GALNT13: variants seen among roughly 807,000 people sequenced by gnomAD.
The protein encoded by GALNT13 is UDP-GalNAc:polypeptide N-acetylgalactosaminyltransferase 13.
In GALNT13, 28 loss-of-function variants were observed where a neutral mutation model predicts 64.2. That is an observed-to-expected ratio of 0.44 (90% confidence interval 0.32 to 0.60). The LOEUF (loss-of-function observed/expected upper bound fraction) is 0.60, where lower values mean the gene tolerates loss of function less well. Ranked by LOEUF, GALNT13 falls within the 20% of genes least tolerant of loss-of-function variation. GALNT13 has a pLI of 0.05. For synonymous variants in GALNT13, 214 were observed against 224.6 expected (o/e 0.95, Z 0.42); for missense variants, 577 against 669.8 (o/e 0.86, Z 1.53).
At chr2:153,211,212 G>A in the GALNT13 span, among the ~76,000 whole-genome samples, 12 of 151,284 alleles carry the variant, frequency 7.9e-5, no homozygotes, top group African/African-American at 2.2e-4. Flanking sequence ...GCATGATCTC[G>A]GCTCACTGCA....
At chr2:153,447,542 C>T in the GALNT13 span, among the ~76,000 whole-genome samples, 225 of 152,318 alleles carry the variant, frequency 1.5e-3, no homozygotes, top group African/African-American at 5.0e-3. Flanking sequence ...ACATTTGCTA[C>T]ATCTTTCTCC....
At chr2:153,335,098 TC>T in the GALNT13 span, among the ~76,000 whole-genome samples, 2 of 152,318 alleles carry the variant, frequency 1.3e-5, no homozygotes, top group East Asian at 3.9e-4. Flanking sequence ...GTAAGAAGTG[TC>T]TTTTGCCTCC....
chr2:153,945,669 C>G (rs1387048478), intron 3 of GALNT13, among the ~76,000 whole-genome samples: 1 of 152,082 alleles, frequency 6.6e-6, no homozygotes, highest in Non-Finnish European at 1.5e-5. Context: ...CTCATTAACA[C>G]TATCAGGTTA....
the GALNT13 span, among the ~76,000 whole-genome samples, chr2:153,560,513 T>C: frequency 1.3e-5 from 2 of 152,090 alleles, no homozygotes; most frequent in Admixed American, 6.6e-5. Flanking sequence ...TCCTAGTACA[T>C]GATAGAAAGA....
intron 2 of GALNT13, among the ~76,000 whole-genome samples, chr2:153,916,485 G>A (rs1689356287): frequency 6.7e-6 from 1 of 149,216 alleles, no homozygotes; most frequent in African/African-American, 2.5e-5. Flanking sequence ...AGGCAGGATG[G>A]AGTGAGTTAA....
intron 4 of GALNT13, among the ~76,000 whole-genome samples, chr2:154,158,648 A>T (rs986104926): frequency 6.6e-6 from 1 of 152,228 alleles, no homozygotes; most frequent in African/African-American, 2.4e-5. Context: ...AACCATACCA[A>T]GAACAATTCT....
At chr2:153,760,334 C>T in the GALNT13 span, among the ~76,000 whole-genome samples, 3 of 151,286 alleles carry the variant, frequency 2.0e-5, no homozygotes, top group South Asian at 6.2e-4. Context: ...TTAATTTTTT[C>T]TTCTTTTTTC....
chr2:153,978,570 G>A (rs555100256), intron 3 of GALNT13, among the ~76,000 whole-genome samples: 1 of 152,184 alleles, frequency 6.6e-6, no homozygotes, highest in East Asian at 1.9e-4. Context: ...GATCTGATGG[G>A]TTTATCAGGG....
At chr2:153,307,673 TG>T in the GALNT13 span, among the ~76,000 whole-genome samples, 4 of 152,106 alleles carry the variant, frequency 2.6e-5, no homozygotes, top group Admixed American at 2.0e-4. Flanking sequence ...TGTACACAGA[TG>T]GAAAATGACA....
intron 1 of GALNT13, among the ~76,000 whole-genome samples, chr2:153,898,774 G>A (rs1688039827): frequency 1.3e-5 from 2 of 149,276 alleles, no homozygotes; most frequent in Non-Finnish European, 3.0e-5. Flanking sequence ...CTAGTGAAAT[G>A]TAGTATTGTA....
chr2:153,915,054 T>C (rs1373958817), intron 2 of GALNT13, among the ~76,000 whole-genome samples: 1 of 152,100 alleles, frequency 6.6e-6, no homozygotes, highest in Non-Finnish European at 1.5e-5. Flanking sequence ...GTGGGATTCA[T>C]GAGTGGGAGA....
chr2:154,144,199 T>A (rs932855140), intron 4 of GALNT13, among the ~76,000 whole-genome samples: 2 of 152,142 alleles, frequency 1.3e-5, no homozygotes, highest in African/African-American at 2.4e-5. Flanking sequence ...CAAGTCACAG[T>A]GTATGAGGTT....
At chr2:153,809,548 G>T in the GALNT13 span, among the ~76,000 whole-genome samples, 1 of 152,146 alleles carries the variant, frequency 6.6e-6, no homozygotes, top group Admixed American at 6.5e-5. Context: ...ACAAACTTTT[G>T]CCTGTATATC....
the GALNT13 span, among the ~76,000 whole-genome samples, chr2:153,731,098 TTG>T: frequency 2.0e-5 from 3 of 151,218 alleles, no homozygotes; most frequent in African/African-American, 4.9e-5. Context: ...CTGTATATGT[TTG>T]TGTGTGTGTG....
At chr2:153,621,027 T>C in the GALNT13 span, among the ~76,000 whole-genome samples, 10 of 152,110 alleles carry the variant, frequency 6.6e-5, no homozygotes, top group Non-Finnish European at 5.9e-5. Flanking sequence ...ATCACCTTGA[T>C]GGTCTTAGAC....
At chr2:153,510,589 C>T in the GALNT13 span, among the ~76,000 whole-genome samples, 1 of 152,176 alleles carries the variant, frequency 6.6e-6, no homozygotes. Context: ...ACATTAGAAT[C>T]ACCTGGGAGT....
the GALNT13 span, among the ~76,000 whole-genome samples, chr2:153,824,932 T>G: frequency 1.3e-5 from 2 of 152,150 alleles, no homozygotes; most frequent in Non-Finnish European, 2.9e-5. Flanking sequence ...CAGCCATGCC[T>G]TCCGTACACC....
At chr2:153,427,053 A>T in the GALNT13 span, among the ~76,000 whole-genome samples, 3 of 152,038 alleles carry the variant, frequency 2.0e-5, no homozygotes, top group Admixed American at 6.6e-5. Context: ...TAAAAATTAA[A>T]ATGTATTTTC....
rs999077047 is a variant in GALNT13 at position 154,151,416 on chromosome 2, C to T, written c.311+10911C>T. ...AAAAATGTATATTCTGTTGATTTGG[C>T]GTGGAGAGTTCTGTAGATGTCTATT... On this transcript the variant is annotated intron_variant, in intron 4 of 12. Transcript: ENST00000392825. 4.6e-5 allele frequency among the ~76,000 whole-genome samples: 7 copies of T among 152,066 alleles called. 1 individual carries two copies. The highest frequency in any genetic ancestry group is 4.2e-4 in the South Asian group (2 of 4,802).
Sources: allele counts gnomAD v4.1 joint callset (sites outside exome capture counted in the v4.1 genomes callset), GRCh38; gene constraint gnomAD v4.1.1; transcripts MANE v1.5; gene names NCBI Gene and HGNC (gene_info 2026-07-23, HGNC 2026-07-21).